CD53: variants seen among roughly 807,000 people sequenced by gnomAD.
The protein encoded by CD53 is leukocyte surface antigen CD53.
In CD53, 20 loss-of-function variants were observed where a neutral mutation model predicts 27.3. The ratio of observed to expected loss-of-function variants is 0.73; its 90% confidence interval spans 0.52 to 1.07. CD53 has a LOEUF of 1.07. CD53 is among the 50% of genes least tolerant of loss of function. The pLI is 0.00. For synonymous variants in CD53, 106 were observed against 105.3 expected (o/e 1.01, Z -0.04); for missense variants, 216 against 264.0 (o/e 0.82, Z 1.26).
At chr1:110,897,622 A>G (rs1657122740) in intron 6 of CD53, 187 bp from the exon 7 acceptor site, 6 of 480,816 alleles carry the variant, frequency 1.2e-5, no homozygotes, top group Non-Finnish European at 2.3e-5. Flanking sequence ...ACCACCAGAA[A>G]AGTCTGTAGT....
At chr1:110,880,800 A>C (rs1019319923) in intron 1 of CD53, among the ~76,000 whole-genome samples, 1 of 152,142 alleles carries the variant, frequency 6.6e-6, no homozygotes, top group East Asian at 1.9e-4. Flanking sequence ...CACTTATAAA[A>C]CAAAATGGTT....
At chr1:110,876,179 C>T (rs1161864474) in intron 1 of CD53, among the ~76,000 whole-genome samples, 2 of 152,202 alleles carry the variant, frequency 1.3e-5, no homozygotes, top group African/African-American at 2.4e-5. Context: ...GCTGTCGCAA[C>T]TGTCCAATCT....
intron 2 of CD53, 49 bp from the exon 3 acceptor site, chr1:110,892,295 AC>A (rs751529284): frequency 7.6e-7 from 1 of 1,313,630 alleles, no homozygotes; most frequent in Non-Finnish European, 1.1e-6. Context: ...ATGAGGAGAT[AC>A]CCAAGAACCA....
chr1:110,897,521 A>G (rs1657117485), intron 6 of CD53: 1 of 265,740 alleles, frequency 3.8e-6, no homozygotes, highest in African/African-American at 2.2e-5. Context: ...AGACAGTAGG[A>G]CGTCGGTTGC....
intron 1 of CD53, among the ~76,000 whole-genome samples, chr1:110,879,833 G>T (rs1218512415): frequency 6.6e-6 from 1 of 152,062 alleles, no homozygotes; most frequent in East Asian, 1.9e-4. Flanking sequence ...TTCCCAAATG[G>T]CTGGGATTAC....
chr1:110,874,282 T>C (rs1656049222), intron 1 of CD53, among the ~76,000 whole-genome samples: 1 of 152,308 alleles, frequency 6.6e-6, no homozygotes, highest in Non-Finnish European at 1.5e-5. Flanking sequence ...CCTCAGAGTT[T>C]ATTGAGCCTT....
chr1:110,893,281 T>C (rs1034289173), intron 3 of CD53, among the ~76,000 whole-genome samples: 40 of 152,216 alleles, frequency 2.6e-4, no homozygotes, highest in Non-Finnish European at 4.7e-4. Flanking sequence ...TTTTCCATTA[T>C]GGTTCAACAT....
rs374567529 is a variant in CD53, at chr1:110,899,119, C to T, written c.589-5C>T. Reference sequence around the variant, plus strand: ...GACTTCAAATTTTCCCAACTCTTTTCACAGGTGTTGGGGATGTCCTTTGCA... The same window carrying T: ...GACTTCAAATTTTCCCAACTCTTTTTACAGGTGTTGGGGATGTCCTTTGCA... On this transcript the variant is annotated splice_region_variant and splice_polypyrimidine_tract_variant and intron_variant, in intron 7 of 7. Transcript: ENST00000271324. The T allele has an allele frequency of 1.0e-4, 166 of 1,611,874 alleles. No homozygotes were observed. Among genetic ancestry groups the T allele is most frequent in the Non-Finnish European group, 1.2e-4 (136 of 1,178,362 alleles).
At chr1:110,886,869 A>ATATATATATATATTTTTTT (rs1298376721) in intron 1 of CD53, among the ~76,000 whole-genome samples, 3 of 82,800 alleles carry the variant, frequency 3.6e-5, no homozygotes, top group African/African-American at 5.3e-5. Flanking sequence ...ATATATATAT[A>ATATATATATATATTTTTTT]TTTTTTTTTT....
intron 1 of CD53, among the ~76,000 whole-genome samples, chr1:110,885,492 C>T (rs944995901): frequency 8.6e-5 from 13 of 151,872 alleles, no homozygotes; most frequent in Non-Finnish European, 1.6e-4. Flanking sequence ...GAGCCGAGAT[C>T]GCGCCACTGC....
intron 1 of CD53, among the ~76,000 whole-genome samples, chr1:110,880,951 A>G (rs1656330534): frequency 6.6e-6 from 1 of 152,212 alleles, no homozygotes; most frequent in Non-Finnish European, 1.5e-5. Flanking sequence ...AACCAGAATA[A>G]GAGGCCAGAA....
rs188803474 is a variant in CD53 at position 110,894,065 on chromosome 1, T to C, written c.253-262T>C. On this transcript the variant is annotated intron_variant, in intron 3 of 7. Transcript: ENST00000271324. ...GCTTAACTTATTCAACAGGTGGTGG[T>C]GTGTATGTATTATGCATGTAGTGCT... is the stretch of plus-strand genomic sequence containing the variant. Among the ~76,000 whole-genome samples the C allele has an allele frequency of 4.7e-4, 72 of 152,284 alleles. 1 individual carries two copies. The East Asian group carries it at 0.011, about 24-fold the overall frequency.
chr1:110,883,585 CT>C (rs1423519216), intron 1 of CD53, among the ~76,000 whole-genome samples: 1 of 151,904 alleles, frequency 6.6e-6, no homozygotes, highest in Non-Finnish European at 1.5e-5. Flanking sequence ...GTGTACCCTC[CT>C]TTTCTATTTT....
In CD53 at chr1:110,892,245, G is replaced by A. The variant is rs1019416303; in HGVS notation, c.64-100G>A. 3.3e-6 allele frequency: 3 copies of A among 899,056 alleles called. No homozygotes were observed. In the African/African-American group the frequency reaches 4.9e-5, roughly 15 times the overall value. 55.7% of individuals were successfully genotyped at this position (899,056 alleles called of 1,614,324 possible). A position where few individuals can be genotyped will look rare whatever the true frequency, so the allele number is the denominator to read the frequency against. On this transcript the variant is annotated intron_variant, in intron 2 of 7. Transcript: ENST00000271324. The stretch of plus-strand genomic sequence containing the variant: ...GTTCATGAGACTCTTGATTGAGCCA[G>A]TTAAAAATAAAGTGATTCTGATCTC...
chr1:110,878,574 A>G (rs1329425336), intron 1 of CD53, among the ~76,000 whole-genome samples: 4 of 152,066 alleles, frequency 2.6e-5, no homozygotes, highest in Admixed American at 2.6e-4. Context: ...TTTTTTTTTA[A>G]AGAAAGCATG....
chr1:110,879,768 A>G (rs547715887), intron 1 of CD53, among the ~76,000 whole-genome samples: 1 of 151,980 alleles, frequency 6.6e-6, no homozygotes, highest in African/African-American at 2.4e-5. Context: ...GGGTCTCTCT[A>G]TGTTGTTCAG....
chr1:110,890,601 G>GA (rs60744081), intron 1 of CD53, among the ~76,000 whole-genome samples: 2 of 98,666 alleles, frequency 2.0e-5, no homozygotes, highest in Non-Finnish European at 5.1e-5. Flanking sequence ...GAAAGAGAAA[G>GA]GAAAGGAAAG....
rs1202171542 is a variant in CD53 at position 110,873,187 on chromosome 1, G to A, written c.-79G>A. 1 of 152,276 alleles carries A rather than the reference G, an allele frequency of 6.6e-6. No homozygotes were observed. Among genetic ancestry groups the A allele is most frequent in the East Asian group, 1.9e-4 (1 of 5,184 alleles). The allele number at this position is 152,276 out of a possible 1,614,324, so 9.4% of individuals were successfully genotyped here. On this transcript the variant is annotated 5_prime_UTR_variant, in exon 1 of 8. Transcript: ENST00000271324. Reference sequence around the variant, plus strand: ...ATATCTGTGTTACCAGCCTTGTCTCGGCCACCTCAAGGATAATCACTAAAT... The same window carrying A: ...ATATCTGTGTTACCAGCCTTGTCTCAGCCACCTCAAGGATAATCACTAAAT...
chr1:110,874,474 A>G (rs565584696), intron 1 of CD53, among the ~76,000 whole-genome samples: 1 of 152,192 alleles, frequency 6.6e-6, no homozygotes, highest in Non-Finnish European at 1.5e-5. Flanking sequence ...GATAAGAGAT[A>G]TCATACTATG....
Sources: allele counts gnomAD v4.1 joint callset (sites outside exome capture counted in the v4.1 genomes callset), GRCh38; gene constraint gnomAD v4.1.1; transcripts MANE v1.5; gene names NCBI Gene and HGNC (gene_info 2026-07-23, HGNC 2026-07-21).